The following TTC28 variants were observed in gnomAD, a reference collection of about 807,000 sequenced individuals.
The protein encoded by TTC28 is tetratricopeptide repeat protein 28.
A neutral mutation model predicts 198.0 loss-of-function variants in TTC28; 61 were observed. The observed-to-expected ratio is 0.31, with a 90% confidence interval of 0.25 to 0.38. The LOEUF (loss-of-function observed/expected upper bound fraction) is 0.38, where lower values mean the gene tolerates loss of function less well. Ranked by LOEUF, TTC28 falls within the 10% of genes least tolerant of loss-of-function variation. The pLI, the probability that TTC28 is intolerant of heterozygous loss-of-function variation, is 1.00. For synonymous variants in TTC28, 1,171 were observed against 1,297.8 expected, an observed-to-expected ratio of 0.90 and a Z score of 2.10; for missense variants, 2,678 against 3,164.0, an observed-to-expected ratio of 0.85 and a Z score of 3.69.
chr22:28,307,632 T>C (rs1166459187), intron 2 of TTC28, among the ~76,000 whole-genome samples: 1 of 152,178 alleles, frequency 6.6e-6, no homozygotes, highest in Non-Finnish European at 1.5e-5. Context: ...AAAGTGTTAC[T>C]TGTATACAAC....
intron 2 of TTC28, among the ~76,000 whole-genome samples, chr22:28,502,231 C>T (rs2048546840): frequency 6.6e-6 from 1 of 152,172 alleles, no homozygotes; most frequent in African/African-American, 2.4e-5. Flanking sequence ...ATTATCCCTG[C>T]ACCTGAGAGG....
chr22:28,659,197 T>C (rs549296729), intron 1 of TTC28, among the ~76,000 whole-genome samples: 1 of 152,128 alleles, frequency 6.6e-6, no homozygotes, highest in Non-Finnish European at 1.5e-5. Flanking sequence ...AAACAAAAAA[T>C]AACTCCATCA....
At chr22:28,491,585 G>A (rs2048379417) in intron 2 of TTC28, among the ~76,000 whole-genome samples, 2 of 152,250 alleles carry the variant, frequency 1.3e-5, no homozygotes, top group East Asian at 3.9e-4. Context: ...AGTTAGAATG[G>A]CGATCATTAA....
intron 5 of TTC28, among the ~76,000 whole-genome samples, chr22:28,268,642 A>C (rs1931839605): frequency 6.6e-6 from 1 of 152,212 alleles, no homozygotes; most frequent in Admixed American, 6.5e-5. Context: ...CAGATCTTCT[A>C]TAAGTATGCA....
At chr22:28,548,136 T>G (rs2049583186) in intron 2 of TTC28, among the ~76,000 whole-genome samples, 1 of 152,162 alleles carries the variant, frequency 6.6e-6, no homozygotes, top group Non-Finnish European at 1.5e-5. Flanking sequence ...GCACTCCATG[T>G]TTTTGACAGT....
chr22:28,298,576 G>A (rs1454966697), intron 3 of TTC28, among the ~76,000 whole-genome samples: 1 of 152,024 alleles, frequency 6.6e-6, no homozygotes, highest in Non-Finnish European at 1.5e-5. Flanking sequence ...AGCCTCCCAA[G>A]TAGCTAGGAC....
At chr22:28,608,665 T>G (rs1418044567) in intron 2 of TTC28, among the ~76,000 whole-genome samples, 5 of 152,052 alleles carry the variant, frequency 3.3e-5, no homozygotes, top group African/African-American at 9.7e-5. Context: ...GTCCTTGAGG[T>G]TCTACATAAA....
At chr22:28,084,775 C>T (rs1020628416) in intron 12 of TTC28, among the ~76,000 whole-genome samples, 3 of 152,004 alleles carry the variant, frequency 2.0e-5, no homozygotes, top group African/African-American at 4.8e-5. Context: ...AAAAATTAGA[C>T]GAATGGATAA....
intron 2 of TTC28, among the ~76,000 whole-genome samples, chr22:28,351,641 C>G (rs1230183986): frequency 6.6e-6 from 1 of 152,164 alleles, no homozygotes; most frequent in Non-Finnish European, 1.5e-5. Flanking sequence ...TGTTAACCCT[C>G]CTCAAGCTGA....
intron 2 of TTC28, among the ~76,000 whole-genome samples, chr22:28,452,254 G>A (rs1031678213): frequency 6.6e-6 from 1 of 151,930 alleles, no homozygotes; most frequent in African/African-American, 2.4e-5. Flanking sequence ...GCTGGGCATG[G>A]TGGCATGCAC....
At chr22:28,078,346 C>A (rs896411639) in intron 12 of TTC28, among the ~76,000 whole-genome samples, 1 of 152,088 alleles carries the variant, frequency 6.6e-6, no homozygotes, top group Admixed American at 6.6e-5. Context: ...CCAGCATGAA[C>A]GGAGTCTGCT....
chr22:28,334,219 T>TA lies in TTC28; in HGVS notation c.382-27577dup, dbSNP rs1749385414. Among the ~76,000 whole-genome samples the TA allele has an allele frequency of 2.0e-5, 3 of 152,142 alleles. No homozygotes were observed. In the South Asian group the frequency reaches 6.3e-4, roughly 32 times the overall value. ...TGGCTGCATAGTATTCCATGGTGTATATGTGCCACATTTTCTTAATCCAGT... is the reference window on the plus strand; with the variant it reads ...TGGCTGCATAGTATTCCATGGTGTATAATGTGCCACATTTTCTTAATCCAGT... On this transcript the variant is annotated intron_variant, in intron 2 of 22. Transcript: ENST00000397906.
At chr22:28,348,297 C>A (rs537589491) in intron 2 of TTC28, among the ~76,000 whole-genome samples, 42 of 152,292 alleles carry the variant, frequency 2.8e-4, no homozygotes, top group Non-Finnish European at 4.6e-4. Flanking sequence ...TCATACGCCT[C>A]TCATCCTTAA....
chr22:28,166,352 C>T (rs1921947931), intron 5 of TTC28, among the ~76,000 whole-genome samples: 1 of 152,178 alleles, frequency 6.6e-6, no homozygotes. Context: ...ACTCTCCACC[C>T]CAAATCAACA....
chr22:28,196,226 C>T (rs1601459400), intron 5 of TTC28, among the ~76,000 whole-genome samples: 1 of 152,098 alleles, frequency 6.6e-6, no homozygotes. Context: ...GGAAAACTGG[C>T]TAGCCATATG....
At chr22:28,072,556 A>C (rs1941031966) in intron 12 of TTC28, among the ~76,000 whole-genome samples, 2 of 152,162 alleles carry the variant, frequency 1.3e-5, no homozygotes, top group Admixed American at 1.3e-4. Flanking sequence ...AAAGTGGGCA[A>C]ACATGGGTGG....
Position 28,286,091 on chromosome 22 carries a change from C to T in TTC28, c.933+10107G>A, listed in dbSNP as rs192846529. ...CTCGGCTCACCACAAGCTCCGCCTC[C>T]TGGGTTCACGCCATTCTCCTGCCTC... On this transcript the variant is annotated intron_variant, in intron 5 of 22. Coordinates refer to ENST00000397906, the MANE Select transcript of TTC28 (RefSeq NM_001145418.2). Among the ~76,000 whole-genome samples the T allele has an allele frequency of 1.4e-3, 212 of 152,124 alleles. No individual in the cohort carries two copies. The East Asian group carries it at 0.037, about 27-fold the overall frequency.
At chr22:28,492,951 G>A (rs9625483) in intron 2 of TTC28, among the ~76,000 whole-genome samples, 2,765 of 149,698 alleles carry the variant, frequency 0.018, 50 homozygotes, top group Non-Finnish European at 0.025. Flanking sequence ...TGACTCAGAA[G>A]TCAGCTTAAA....
chr22:28,468,450 A>G (rs1375615701), intron 2 of TTC28, among the ~76,000 whole-genome samples: 1 of 152,020 alleles, frequency 6.6e-6, no homozygotes, highest in Non-Finnish European at 1.5e-5. Flanking sequence ...TCCCCCATCT[A>G]AGCTCAGGTT....
Sources: gnomAD v4.1 joint callset for allele counts (sites outside exome capture counted in the v4.1 genomes callset) on GRCh38, gnomAD v4.1.1 for gene constraint, MANE v1.5 for transcripts, NCBI Gene and HGNC (gene_info 2026-07-23, HGNC 2026-07-21) for gene names.